DOCK3: variants seen among roughly 807,000 people sequenced by gnomAD.
DOCK3 encodes the protein dedicator of cytokinesis 3.
DOCK3 carries 60 observed loss-of-function variants against 265.6 expected under a neutral mutation model. The observed-to-expected ratio is 0.23, with a 90% CI of 0.18 to 0.28. DOCK3 has a LOEUF of 0.28. Ranked by LOEUF, DOCK3 falls within the 10% of genes least tolerant of loss-of-function variation. The pLI, the probability that DOCK3 is intolerant of heterozygous loss-of-function variation, is 1.00. For synonymous variants in DOCK3, 881 were observed against 938.0 expected (o/e 0.94, Z 1.11); for missense variants, 1,981 against 2,594.3 (o/e 0.76, Z 5.14).
At chr3:50,809,429 G>T (rs978584955) in intron 2 of DOCK3, among the ~76,000 whole-genome samples, 3 of 152,194 alleles carry the variant, frequency 2.0e-5, no homozygotes, top group African/African-American at 7.2e-5. Flanking sequence ...AAGTGCTAGT[G>T]AGAATGTCGA....
chr3:50,797,364 T>C (rs1335224640), intron 2 of DOCK3, among the ~76,000 whole-genome samples: 1 of 152,182 alleles, frequency 6.6e-6, no homozygotes, highest in Non-Finnish European at 1.5e-5. Flanking sequence ...TGTGGCAGCG[T>C]TGGTGCAAGG....
chr3:50,726,175 A>G (rs2037810344), intron 1 of DOCK3, among the ~76,000 whole-genome samples: 1 of 152,176 alleles, frequency 6.6e-6, no homozygotes, highest in Non-Finnish European at 1.5e-5. Context: ...AAGCCTGTAT[A>G]TGTTCAGTAC....
intron 1 of DOCK3, among the ~76,000 whole-genome samples, chr3:50,740,756 G>T (rs1340211982): frequency 1.3e-5 from 2 of 151,978 alleles, no homozygotes; most frequent in Non-Finnish European, 2.9e-5. Flanking sequence ...CATGCATTTT[G>T]TTGACCATAA....
chr3:50,694,346 A>T (rs1205954140), intron 1 of DOCK3, among the ~76,000 whole-genome samples: 2 of 152,246 alleles, frequency 1.3e-5, no homozygotes, highest in Non-Finnish European at 2.9e-5. Flanking sequence ...ATCCTTAAAA[A>T]TGGAGATTTC....
At chr3:51,245,626 C>T (rs2078802904) in intron 21 of DOCK3, among the ~76,000 whole-genome samples, 1 of 151,954 alleles carries the variant, frequency 6.6e-6, no homozygotes, top group African/African-American at 2.4e-5. Context: ...CTCCTGACCT[C>T]GTGATCCACC....
chr3:50,698,516 G>GGTTTTTTT (rs2035791217), intron 1 of DOCK3, among the ~76,000 whole-genome samples: 1 of 12,410 alleles, frequency 8.1e-5, no homozygotes, highest in Admixed American at 7.6e-4. Flanking sequence ...GTATGTTTTT[G>GGTTTTTTT]GTTTTTTTTT....
intron 12 of DOCK3, among the ~76,000 whole-genome samples, chr3:51,179,766 G>A (rs2087170593): frequency 6.6e-6 from 1 of 151,830 alleles, no homozygotes; most frequent in Non-Finnish European, 1.5e-5. Context: ...TAAAAAATTA[G>A]CCGGGCTTGG....
At chr3:51,174,073 A>T (rs1463708572) in intron 12 of DOCK3, among the ~76,000 whole-genome samples, 1 of 152,146 alleles carries the variant, frequency 6.6e-6, no homozygotes, top group African/African-American at 2.4e-5. Flanking sequence ...TCTGCTGTCG[A>T]AGCTTTCTGT....
chr3:51,107,125 A>G (rs1180494517), intron 9 of DOCK3, among the ~76,000 whole-genome samples: 1 of 152,222 alleles, frequency 6.6e-6, no homozygotes, highest in Admixed American at 6.5e-5. Context: ...TCCAGTAATG[A>G]AGCTAGTTGA....
chr3:51,200,876 T>G (rs1258301866), intron 12 of DOCK3, among the ~76,000 whole-genome samples: 1 of 152,112 alleles, frequency 6.6e-6, no homozygotes, highest in Non-Finnish European at 1.5e-5. Context: ...TATTCAACAT[T>G]CTTACCGAAA....
intron 23 of DOCK3, among the ~76,000 whole-genome samples, chr3:51,267,718 A>G (rs2080273990): frequency 6.6e-6 from 1 of 152,166 alleles, no homozygotes; most frequent in Admixed American, 6.5e-5. Flanking sequence ...ACTGTTGACA[A>G]TAGCAAAGAT....
chr3:50,707,313 T>C (rs2107874694), intron 1 of DOCK3, among the ~76,000 whole-genome samples: 1 of 151,964 alleles, frequency 6.6e-6, no homozygotes, highest in South Asian at 2.1e-4. Context: ...AGGGCATGCC[T>C]GTAATATGAG....
Position 51,380,140 on chromosome 3 carries a change from A to G in DOCK3, c.5516A>G (p.His1839Arg). Residue 1839 changes from histidine (H) to arginine (R), a missense_variant, in exon 52 of 53, where the codon CAC becomes CGC. His to Arg is a conservative substitution (Grantham distance 29). Coordinates refer to ENST00000266037, the MANE Select transcript of DOCK3 (RefSeq NM_004947.5). The part of the protein sequence containing the change: ...SVAEKGHYSL[H>R]FDAFHHPLGD... ...CCCTTTGCAGGTCATTACTCCCTAC[A>G]CTTTGACGCCTTCCACCACCCTCTG... 2 of 1,613,320 alleles carry G rather than the reference A, an allele frequency of 1.2e-6. No individual in the cohort carries two copies. The highest frequency in any genetic ancestry group is 1.1e-5 in the South Asian group (1 of 90,972).
rs2042218410 is a variant in DOCK3, at chr3:50,787,013, T to C, written c.121+8255T>C. The C allele has an allele frequency of 4.0e-6, 3 of 741,484 alleles. No homozygotes were observed. The South Asian group carries it at 4.0e-5, about 10-fold the overall frequency. The allele number at this position is 741,484 out of a possible 1,614,324, so 45.9% of individuals were successfully genotyped here. On this transcript the variant is annotated intron_variant, in intron 2 of 52. Coordinates refer to ENST00000266037, the MANE Select transcript of DOCK3 (RefSeq NM_004947.5). The stretch of plus-strand genomic sequence containing the variant: ...CACATGAGCCATGGCATAGAATTTT[T>C]TCTCACAAATTTCACAGGAAAATTT...
At chr3:50,816,592 A>G (rs2044093583) in intron 2 of DOCK3, among the ~76,000 whole-genome samples, 1 of 152,032 alleles carries the variant, frequency 6.6e-6, no homozygotes, top group South Asian at 2.1e-4. Context: ...AAGTGCTGGG[A>G]TTACAGGTGT....
intron 2 of DOCK3, among the ~76,000 whole-genome samples, chr3:50,817,344 T>C (rs952656949): frequency 3.3e-5 from 5 of 152,108 alleles, no homozygotes; most frequent in Admixed American, 3.3e-4. Flanking sequence ...TAAGATGGAG[T>C]TGTTCTGGTT....
At chr3:50,719,359 C>A in intron 1 of DOCK3, 1 of 364,956 alleles carries the variant, frequency 2.7e-6, no homozygotes. Flanking sequence ...AATATGGAAC[C>A]CAAAGACCTG....
intron 11 of DOCK3, 22 bp from the exon 12 acceptor site, chr3:51,160,533 G>T (rs771632923): frequency 2.5e-6 from 4 of 1,592,160 alleles, no homozygotes; most frequent in Admixed American, 1.8e-5. Context: ...CAGTCTGACT[G>T]GTGTTTTCTG....
At chr3:51,014,236 A>G (rs1449503413) in intron 5 of DOCK3, among the ~76,000 whole-genome samples, 2 of 151,760 alleles carry the variant, frequency 1.3e-5, no homozygotes, top group Non-Finnish European at 2.9e-5. Context: ...GAAACCACCC[A>G]TCTTCTGTGT....
Sources: gnomAD v4.1 joint callset for allele counts (sites outside exome capture counted in the v4.1 genomes callset) on GRCh38, gnomAD v4.1.1 for gene constraint, MANE v1.5 for transcripts, NCBI Gene and HGNC (gene_info 2026-07-23, HGNC 2026-07-21) for gene names.